Variants in NIM1K observed in about 807,000 individuals in gnomAD.
The protein encoded by NIM1K is serine/threonine-protein kinase NIM1.
Under a neutral mutation model 37.1 loss-of-function variants are expected in NIM1K, and 35 were observed. The observed-to-expected ratio is 0.94, with a 90% CI of 0.72 to 1.25. The LOEUF (loss-of-function observed/expected upper bound fraction) is 1.25, where lower values mean the gene tolerates loss of function less well. Among genes scored for constraint, NIM1K ranks in the 50% most tolerant of loss-of-function variants. The pLI, the probability that NIM1K is intolerant of heterozygous loss-of-function variation, is 0.00. For synonymous variants in NIM1K, 234 were observed against 206.6 expected (o/e 1.13, Z -1.14); for missense variants, 564 against 548.0 (o/e 1.03, Z -0.29).
At chr5:43,236,273 A>C (rs1342452395) in intron 1 of NIM1K, among the ~76,000 whole-genome samples, 1 of 152,020 alleles carries the variant, frequency 6.6e-6, no homozygotes, top group African/African-American at 2.4e-5. Flanking sequence ...TCAAACAAAA[A>C]ACAAAACAAA....
chr5:43,234,194 A>G (rs1204760736), intron 1 of NIM1K, among the ~76,000 whole-genome samples: 1 of 152,202 alleles, frequency 6.6e-6, no homozygotes, highest in African/African-American at 2.4e-5. Context: ...ATCTGTGAAA[A>G]GGGAATGACA....
At chr5:43,246,802 C>A (rs1169892439) in intron 2 of NIM1K, among the ~76,000 whole-genome samples, 5 of 152,204 alleles carry the variant, frequency 3.3e-5, no homozygotes, top group African/African-American at 1.2e-4. Context: ...CAGCACCCTT[C>A]TGCTGCTCTG....
At position 43,277,160 on chromosome 5, in the gene NIM1K, C is replaced by A. The variant is rs757383596; in HGVS notation, c.396C>A (p.Asn132Lys). 1.9e-6 allele frequency: 3 copies of A among 1,614,146 alleles called. No individual in the cohort carries two copies. Among genetic ancestry groups the A allele is most frequent in the Admixed American group, 3.3e-5 (2 of 60,028 alleles). The part of the protein sequence containing the change: ...ISSMEKLHHP[N>K]IIRLYEVVET... ...GCATGGAAAAGCTGCACCATCCCAA[C>A]ATCATCCGCCTTTACGAAGTGGTGG... The change falls in exon 3 of 4, where the codon AAC becomes AAA. Residue 132 changes from asparagine to lysine, a missense_variant. Physicochemically the swap from Asn to Lys is moderately conservative, Grantham distance 94. Coordinates refer to ENST00000326035, the MANE Select transcript of NIM1K (RefSeq NM_153361.4).
At chr5:43,227,295 G>A (rs1323215124) in intron 1 of NIM1K, among the ~76,000 whole-genome samples, 1 of 152,170 alleles carries the variant, frequency 6.6e-6, no homozygotes, top group South Asian at 2.1e-4. Context: ...GGGAGGCAGA[G>A]GTTGCGGTGA....
chr5:43,270,646 G>A (rs1753242328), intron 2 of NIM1K, among the ~76,000 whole-genome samples: 2 of 152,190 alleles, frequency 1.3e-5, no homozygotes, highest in Admixed American at 1.3e-4. Flanking sequence ...GCGCTTTAAA[G>A]GGCCAACTGA....
chr5:43,227,078 T>G (rs1324418271), intron 1 of NIM1K, among the ~76,000 whole-genome samples: 1 of 152,054 alleles, frequency 6.6e-6, no homozygotes, highest in African/African-American at 2.4e-5. Flanking sequence ...AAGAATTGGT[T>G]CACCGGGCGC....
chr5:43,203,422 T>C (rs1030813417), intron 1 of NIM1K, among the ~76,000 whole-genome samples: 2 of 152,222 alleles, frequency 1.3e-5, no homozygotes, highest in African/African-American at 4.8e-5. Flanking sequence ...GTTCAAACCA[T>C]GTTCAAATAA....
At chr5:43,196,797 G>C (rs201965773) in intron 1 of NIM1K, among the ~76,000 whole-genome samples, 2 of 151,912 alleles carry the variant, frequency 1.3e-5, no homozygotes, top group South Asian at 4.2e-4. Flanking sequence ...TCTTGAGACA[G>C]GTTCTCACAC....
intron 2 of NIM1K, among the ~76,000 whole-genome samples, chr5:43,265,348 T>C (rs1437929705): frequency 1.3e-5 from 2 of 152,204 alleles, no homozygotes; most frequent in Admixed American, 6.5e-5. Flanking sequence ...AATTCTCTTC[T>C]CACTTCATTT....
rs189666627 is a variant in NIM1K, at chr5:43,271,183, C to T, written c.293-5874C>T. ...TATAGGCAAAAATAATAATAGCATG[C>T]TTCTTACTGCCCTTAATGTGAAATG... On this transcript the variant is annotated intron_variant, in intron 2 of 3. Transcript: ENST00000326035. Among the ~76,000 whole-genome samples the T allele has an allele frequency of 9.7e-3, 1,466 of 151,608 alleles. 24 individuals are homozygous for T. The highest frequency in any genetic ancestry group is 0.017 in the Non-Finnish European group (1,133 of 67,944).
chr5:43,205,800 C>T (rs1459903177), intron 1 of NIM1K, among the ~76,000 whole-genome samples: 1 of 152,170 alleles, frequency 6.6e-6, no homozygotes, highest in Non-Finnish European at 1.5e-5. Context: ...GCAAGCTCCA[C>T]CTCCCGGGTT....
At chr5:43,271,679 C>T (rs1481515637) in intron 2 of NIM1K, among the ~76,000 whole-genome samples, 2 of 152,124 alleles carry the variant, frequency 1.3e-5, no homozygotes, top group African/African-American at 4.8e-5. Flanking sequence ...TTTCCCAGTT[C>T]TTGTATTCAT....
chr5:43,266,047 C>A (rs1032180472), intron 2 of NIM1K, among the ~76,000 whole-genome samples: 1 of 152,192 alleles, frequency 6.6e-6, no homozygotes, highest in Non-Finnish European at 1.5e-5. Context: ...TGGGAGGTGC[C>A]GCTCAGGCTA....
chr5:43,274,541 TTAATCC>T (rs1204729141), intron 2 of NIM1K, among the ~76,000 whole-genome samples: 1 of 152,242 alleles, frequency 6.6e-6, no homozygotes, highest in African/African-American at 2.4e-5. Flanking sequence ...GAAGGGACTC[TTAATCC>T]TAAAGACTGA....
chr5:43,267,710 A>T (rs1055357120), intron 2 of NIM1K, among the ~76,000 whole-genome samples: 1 of 152,166 alleles, frequency 6.6e-6, no homozygotes, highest in Non-Finnish European at 1.5e-5. Flanking sequence ...TGTTAACCCA[A>T]AATTTATACA....
At chr5:43,224,066 T>G (rs11748148) in intron 1 of NIM1K, among the ~76,000 whole-genome samples, 4 of 143,632 alleles carry the variant, frequency 2.8e-5, no homozygotes, top group Admixed American at 6.9e-5. Context: ...TGTCTTTTTG[T>G]TTTTTTTTTC....
chr5:43,197,763 T>A (rs1341418192), intron 1 of NIM1K, among the ~76,000 whole-genome samples: 1 of 152,212 alleles, frequency 6.6e-6, no homozygotes, highest in Non-Finnish European at 1.5e-5. Flanking sequence ...TCCTTCCAGA[T>A]GTTCTCTTTT....
Position 43,222,130 on chromosome 5 carries a change from T to A in NIM1K, c.-694-22952T>A, listed in dbSNP as rs6877778. ...CTGCTTCTGAGGTCCTGAGGCCATC[T>A]ATTTTGTTTGTGAAAAAGTTCTGGC... is the stretch of plus-strand genomic sequence containing the variant. On this transcript the variant is annotated intron_variant, in intron 1 of 3. Transcript: ENST00000326035. Among the ~76,000 whole-genome samples the A allele has an allele frequency of 5.2e-3, 791 of 152,332 alleles. 2 individuals are homozygous for A. Among genetic ancestry groups the A allele is most frequent in the African/African-American group, 0.018 (760 of 41,570 alleles).
Position 43,280,329 on chromosome 5 carries a change from G to A in NIM1K, c.911G>A (p.Gly304Glu). The A allele has an allele frequency of 6.2e-7, 1 of 1,614,164 alleles. No homozygotes were observed. The highest frequency in any genetic ancestry group is 8.5e-7 in the Non-Finnish European group (1 of 1,180,042). ...GAGCCCTGCCACCGACTCATCCGAG[G>A]AGTCCTTCAGCAGATCCCCACGGAG... ...VSEPCHRLIR[G>E]VLQQIPTERY... The change falls in exon 4 of 4, where the codon GGA becomes GAA. Residue 304 changes from glycine (G) to glutamate (E), a missense_variant. Gly to Glu is a moderately conservative substitution (Grantham distance 98). Coordinates refer to ENST00000326035, the MANE Select transcript of NIM1K (RefSeq NM_153361.4).
Sources: allele counts gnomAD v4.1 joint callset (sites outside exome capture counted in the v4.1 genomes callset), GRCh38; gene constraint gnomAD v4.1.1; transcripts MANE v1.5; gene names NCBI Gene and HGNC (gene_info 2026-07-23, HGNC 2026-07-21).